The following FHIP1A variants were observed in gnomAD, a reference collection of about 807,000 sequenced individuals.
FHIP1A encodes the protein FHF complex subunit HOOK interacting protein 1A.
FHIP1A carries 61 observed loss-of-function variants against 88.6 expected under a neutral mutation model. The ratio of observed to expected loss-of-function variants is 0.69; its 90% CI spans 0.56 to 0.85. The LOEUF is 0.85. Among genes scored for constraint, FHIP1A ranks in the 40% least tolerant of loss-of-function variants. The probability of loss-of-function intolerance (pLI) is 0.00; values close to 1 mark genes in which losing one functional copy is unlikely to be tolerated. For missense variants in FHIP1A, 1,154 were observed against 1,273.5 expected (o/e 0.91, Z 1.43); for synonymous variants, 478 against 496.0 (o/e 0.96, Z 0.48).
chr4:151,569,132 A>T (rs149958236), intron 4 of FHIP1A, among the ~76,000 whole-genome samples: 1 of 152,172 alleles, frequency 6.6e-6, no homozygotes, highest in Non-Finnish European at 1.5e-5. Flanking sequence ...CCCTGGGTTC[A>T]CCTGAGGCAA....
At chr4:151,518,387 A>T (rs920415375) in intron 3 of FHIP1A, among the ~76,000 whole-genome samples, 2 of 152,156 alleles carry the variant, frequency 1.3e-5, no homozygotes, top group Non-Finnish European at 2.9e-5. Context: ...TTTCACAATG[A>T]CAAAATCATG....
chr4:151,512,785 A>C (rs921612755), intron 3 of FHIP1A, among the ~76,000 whole-genome samples: 4 of 152,242 alleles, frequency 2.6e-5, no homozygotes, highest in African/African-American at 7.2e-5. Context: ...AAAGCCTCCA[A>C]GAAATATGGG....
intron 3 of FHIP1A, among the ~76,000 whole-genome samples, chr4:151,542,544 C>T (rs1303631919): frequency 2.0e-5 from 3 of 152,142 alleles, no homozygotes; most frequent in African/African-American, 7.2e-5. Flanking sequence ...TTGCCTCATG[C>T]CAACTTATCC....
At chr4:151,537,327 A>G (rs1484629115) in intron 3 of FHIP1A, among the ~76,000 whole-genome samples, 1 of 152,134 alleles carries the variant, frequency 6.6e-6, no homozygotes, top group Non-Finnish European at 1.5e-5. Flanking sequence ...ATATGCAGTA[A>G]TATATCTTTG....
At chr4:151,549,020 C>T (rs1732617625) in intron 3 of FHIP1A, among the ~76,000 whole-genome samples, 1 of 152,106 alleles carries the variant, frequency 6.6e-6, no homozygotes, top group Non-Finnish European at 1.5e-5. Flanking sequence ...TGTGTCATTC[C>T]CCTATTGGCT....
intron 8 of FHIP1A, among the ~76,000 whole-genome samples, chr4:151,634,462 T>C (rs1019359518): frequency 1.3e-5 from 2 of 151,646 alleles, no homozygotes; most frequent in Non-Finnish European, 3.0e-5. Flanking sequence ...TGAAATAATA[T>C]TGAAAAAGAA....
At chr4:151,546,089 G>C (rs1384371417) in intron 3 of FHIP1A, among the ~76,000 whole-genome samples, 1 of 152,132 alleles carries the variant, frequency 6.6e-6, no homozygotes, top group African/African-American at 2.4e-5. Context: ...TGTGGGCATG[G>C]AACATCCAAT....
chr4:151,466,797 G>T (rs1051660689), intron 2 of FHIP1A, among the ~76,000 whole-genome samples: 1 of 152,074 alleles, frequency 6.6e-6, no homozygotes, highest in African/African-American at 2.4e-5. Context: ...ACTGAAACTG[G>T]ACCCTTTCCT....
chr4:151,518,301 C>A (rs1448493517), intron 3 of FHIP1A, among the ~76,000 whole-genome samples: 1 of 152,038 alleles, frequency 6.6e-6, no homozygotes, highest in Non-Finnish European at 1.5e-5. Context: ...AGCCTAGGAG[C>A]AATAGGCTAT....
At chr4:151,552,504 T>C (rs1389254950) in intron 3 of FHIP1A, among the ~76,000 whole-genome samples, 1 of 152,062 alleles carries the variant, frequency 6.6e-6, no homozygotes, top group East Asian at 1.9e-4. Context: ...CCATAAAAAA[T>C]GATGAATTCT....
rs186434095 is a variant in FHIP1A at position 151,627,074 on chromosome 4, T to C, written c.979-2628T>C. Among the ~76,000 whole-genome samples, 11 of 152,314 alleles carry C rather than the reference T, an allele frequency of 7.2e-5. No homozygotes were observed. In the East Asian group the frequency reaches 2.1e-3, roughly 29 times the overall value. ...CTGAGGATATGGTAGAAGGAAAAGA[T>C]GGAAGAAGGGAGCCAGATTTTCCTG... On this transcript the variant is annotated intron_variant, in intron 7 of 13. Coordinates refer to ENST00000435205, the MANE Select transcript of FHIP1A (RefSeq NM_001109977.3).
chr4:151,452,000 T>G (rs1728808382), intron 1 of FHIP1A, among the ~76,000 whole-genome samples: 1 of 152,068 alleles, frequency 6.6e-6, no homozygotes, highest in Non-Finnish European at 1.5e-5. Context: ...TAAAATTTTT[T>G]TGTAGGGATA....
At chr4:151,454,324 T>C (rs1489016380) in intron 1 of FHIP1A, among the ~76,000 whole-genome samples, 2 of 152,184 alleles carry the variant, frequency 1.3e-5, no homozygotes, top group Admixed American at 6.5e-5. Context: ...CAGGCAGCCA[T>C]TTCTTTTCCT....
At chr4:151,489,852 C>G (rs1443274894) in intron 3 of FHIP1A, among the ~76,000 whole-genome samples, 1 of 152,148 alleles carries the variant, frequency 6.6e-6, no homozygotes, top group Non-Finnish European at 1.5e-5. Flanking sequence ...CCGCCTAACC[C>G]TGTCCCCACC....
intron 7 of FHIP1A, among the ~76,000 whole-genome samples, chr4:151,611,087 G>GTA (rs771869575): frequency 6.6e-6 from 1 of 151,646 alleles, no homozygotes; most frequent in Non-Finnish European, 1.5e-5. Context: ...GTGTATGTAT[G>GTA]TGTGTGTGTG....
At chr4:151,637,878 C>A (rs964513088) in intron 8 of FHIP1A, among the ~76,000 whole-genome samples, 1 of 152,104 alleles carries the variant, frequency 6.6e-6, no homozygotes, top group African/African-American at 2.4e-5. Flanking sequence ...ATTTCATTGG[C>A]CAGATTTTAA....
chr4:151,466,631 A>G (rs1729324133), intron 2 of FHIP1A, among the ~76,000 whole-genome samples: 1 of 152,178 alleles, frequency 6.6e-6, no homozygotes, highest in Admixed American at 6.5e-5. Flanking sequence ...ACCAAAACAG[A>G]CATATAGACT....
At chr4:151,550,864 T>C (rs573024679) in intron 3 of FHIP1A, among the ~76,000 whole-genome samples, 4 of 152,314 alleles carry the variant, frequency 2.6e-5, no homozygotes, top group East Asian at 1.9e-4. Context: ...GAGGATGATG[T>C]TGGACAACCA....
chr4:151,421,429 T>G (rs1015414763), intron 1 of FHIP1A, among the ~76,000 whole-genome samples: 6 of 152,210 alleles, frequency 3.9e-5, no homozygotes, highest in Non-Finnish European at 7.4e-5. Context: ...TCTCCTGCAC[T>G]TGTCTTTTAA....
Sources: gnomAD v4.1 joint callset for allele counts (sites outside exome capture counted in the v4.1 genomes callset) on GRCh38, gnomAD v4.1.1 for gene constraint, MANE v1.5 for transcripts, NCBI Gene and HGNC (gene_info 2026-07-23, HGNC 2026-07-21) for gene names.